Variants in WDR7 observed in about 807,000 individuals in gnomAD.
WDR7 encodes the protein WD repeat-containing protein 7.
WDR7 carries 46 observed loss-of-function variants against 169.4 expected under a neutral mutation model. The ratio of observed to expected loss-of-function variants is 0.27; its 90% confidence interval spans 0.21 to 0.35. The LOEUF (loss-of-function observed/expected upper bound fraction) is 0.35. Among genes scored for constraint, WDR7 ranks in the 10% least tolerant of loss-of-function variants. WDR7 has a pLI of 1.00. For missense variants in WDR7, 1,534 were observed against 1,859.3 expected (o/e 0.83, Z 3.22); for synonymous variants, 612 against 666.8 (o/e 0.92, Z 1.27).
At chr18:56,878,245 G>A (rs1166309327) in intron 20 of WDR7, among the ~76,000 whole-genome samples, 1 of 152,096 alleles carries the variant, frequency 6.6e-6, no homozygotes, top group African/African-American at 2.4e-5. Flanking sequence ...ATGAAACTAT[G>A]CTGAGCTTTG....
chr18:56,737,320 G>T (rs886621043), intron 14 of WDR7, among the ~76,000 whole-genome samples: 29 of 152,298 alleles, frequency 1.9e-4, no homozygotes, highest in South Asian at 6.2e-4. Context: ...TACATACATG[G>T]TTCTTCGTAA....
chr18:56,726,892 T>G (rs1260458612), intron 13 of WDR7, among the ~76,000 whole-genome samples: 2 of 152,126 alleles, frequency 1.3e-5, no homozygotes, highest in Non-Finnish European at 2.9e-5. Context: ...TGTAATCTTT[T>G]CAAGTGGTTC....
chr18:56,928,361 A>G (rs1201545239), intron 22 of WDR7, among the ~76,000 whole-genome samples: 1 of 152,136 alleles, frequency 6.6e-6, no homozygotes, highest in African/African-American at 2.4e-5. Context: ...GCTACCAGGG[A>G]GGCTGAGGAG....
At chr18:56,903,231 G>C (rs1174616138) in intron 21 of WDR7, among the ~76,000 whole-genome samples, 1 of 151,992 alleles carries the variant, frequency 6.6e-6, no homozygotes, top group Non-Finnish European at 1.5e-5. Context: ...TCTAAAGATG[G>C]TGTTTCACTG....
chr18:56,938,521 A>G lies in WDR7; in HGVS notation c.3832-12A>G. 6.2e-7 allele frequency: 1 copy of G among 1,613,194 alleles called. No individual in the cohort carries two copies. Among genetic ancestry groups the G allele is most frequent in the Non-Finnish European group, 8.5e-7 (1 of 1,179,682 alleles). ...GTGTCAATCATATCTACAGCATAGA[A>G]ATGTTTTGTAGGTACACAGACATAC... On this transcript the variant is annotated splice_polypyrimidine_tract_variant and intron_variant, in intron 23 of 27. Transcript: ENST00000254442.
At chr18:56,738,928 T>C (rs2043569505) in intron 14 of WDR7, among the ~76,000 whole-genome samples, 2 of 151,446 alleles carry the variant, frequency 1.3e-5, no homozygotes, top group African/African-American at 2.4e-5. Flanking sequence ...AGTGCAAACA[T>C]TGGTTATAAT....
intron 21 of WDR7, among the ~76,000 whole-genome samples, chr18:56,916,272 G>A (rs1254171481): frequency 1.3e-5 from 1 of 75,088 alleles, no homozygotes; most frequent in Non-Finnish European, 2.7e-5. Context: ...CCCCCCTCCC[G>A]CCACCCCACG....
At chr18:56,948,707 T>G (rs2047140415) in intron 25 of WDR7, among the ~76,000 whole-genome samples, 1 of 152,234 alleles carries the variant, frequency 6.6e-6, no homozygotes. Context: ...ACAGGCAAAC[T>G]GATGAGCTTT....
chr18:56,805,778 C>A (rs2145177078), intron 19 of WDR7, among the ~76,000 whole-genome samples: 1 of 152,152 alleles, frequency 6.6e-6, no homozygotes. Flanking sequence ...ATTTTCCATA[C>A]TGGAACCAGG....
At chr18:56,856,595 AAAT>A (rs1568233382) in intron 20 of WDR7, among the ~76,000 whole-genome samples, 2 of 151,892 alleles carry the variant, frequency 1.3e-5, no homozygotes, top group African/African-American at 2.4e-5. Flanking sequence ...TTTTTAATTT[AAAT>A]AATAATGATC....
At chr18:56,945,381 C>T (rs535457040) in intron 25 of WDR7, among the ~76,000 whole-genome samples, 1 of 152,162 alleles carries the variant, frequency 6.6e-6, no homozygotes, top group African/African-American at 2.4e-5. Context: ...AGTGTGACTG[C>T]CCTAGAATAG....
chr18:56,789,078 C>G (rs2044445742), intron 19 of WDR7, among the ~76,000 whole-genome samples: 2 of 152,140 alleles, frequency 1.3e-5, no homozygotes, highest in Admixed American at 1.3e-4. Context: ...CTAGACTGAT[C>G]ACGTATTTAG....
chr18:56,874,382 G>T (rs17090400), intron 20 of WDR7, among the ~76,000 whole-genome samples: 1,903 of 151,846 alleles, frequency 0.013, 43 homozygotes, highest in African/African-American at 0.044. Context: ...GCATATACCT[G>T]CTAATACTTT....
rs535303895 is a variant in WDR7 at position 56,971,916 on chromosome 18, CAG to C, written c.4164+9391_4164+9392del. Among the ~76,000 whole-genome samples, 531 of 152,198 alleles carry C rather than the reference CAG, an allele frequency of 3.5e-3. 3 individuals carry two copies. Among genetic ancestry groups the C allele is most frequent in the African/African-American group, 0.012 (506 of 41,524 alleles). ...AGAAACAATTATTTCAATAGATAAG[CAG>C]AGACATTTCTTATCTGTGATTTATT... is the stretch of plus-strand genomic sequence containing the variant. On this transcript the variant is annotated intron_variant, in intron 26 of 27. Transcript: ENST00000254442.
intron 13 of WDR7, among the ~76,000 whole-genome samples, chr18:56,729,036 C>A (rs2026524821): frequency 6.6e-6 from 1 of 152,106 alleles, no homozygotes; most frequent in African/African-American, 2.4e-5. Flanking sequence ...CTTTAGACAC[C>A]AGAGATCAAA....
rs117842248 is a variant in WDR7, at chr18:56,783,800, A to G, written c.3190+2144A>G. 6.3e-3 allele frequency among the ~76,000 whole-genome samples: 957 copies of G among 152,322 alleles called. 3 individuals carry two copies. Among genetic ancestry groups the G allele is most frequent in the Non-Finnish European group, 0.011 (759 of 68,016 alleles). On this transcript the variant is annotated intron_variant, in intron 19 of 27. Coordinates refer to ENST00000254442, the MANE Select transcript of WDR7 (RefSeq NM_015285.3). ...ATTCTTGACAGAGAAAAACGTTGGG[A>G]AAAAGAGATGCCATTAGCAATTGTA...
intron 26 of WDR7, among the ~76,000 whole-genome samples, chr18:56,982,884 G>A (rs2047665861): frequency 6.6e-6 from 1 of 152,168 alleles, no homozygotes; most frequent in Non-Finnish European, 1.5e-5. Flanking sequence ...TTCAAAATGA[G>A]GAAGCATCTA....
intron 22 of WDR7, among the ~76,000 whole-genome samples, chr18:56,926,997 G>A (rs533722218): frequency 3.9e-5 from 6 of 152,174 alleles, no homozygotes; most frequent in African/African-American, 1.2e-4. Flanking sequence ...GTGCTCAGCC[G>A]CCTTGCTTCT....
chr18:56,991,056 A>G (rs1211716986), intron 26 of WDR7, among the ~76,000 whole-genome samples: 1 of 152,092 alleles, frequency 6.6e-6, no homozygotes, highest in Non-Finnish European at 1.5e-5. Context: ...TCCTGTGATG[A>G]AAGTCAGGGC....
Sources: gnomAD v4.1 joint callset for allele counts (sites outside exome capture counted in the v4.1 genomes callset) on GRCh38, gnomAD v4.1.1 for gene constraint, MANE v1.5 for transcripts, NCBI Gene and HGNC (gene_info 2026-07-23, HGNC 2026-07-21) for gene names.